Variants in HADHB observed in about 807,000 individuals in gnomAD.
The protein encoded by HADHB is hydroxyacyl-CoA dehydrogenase trifunctional multienzyme complex subunit beta.
A neutral mutation model predicts 61.9 loss-of-function variants in HADHB; 50 were observed. The observed-to-expected ratio is 0.81, with a 90% confidence interval of 0.64 to 1.02. The LOEUF (loss-of-function observed/expected upper bound fraction) is 1.02, where lower values mean the gene tolerates loss of function less well. Ranked by LOEUF, HADHB falls within the 50% of genes least tolerant of loss-of-function variation. The pLI, the probability that HADHB is intolerant of heterozygous loss-of-function variation, is 0.00. For synonymous variants in HADHB, 191 were observed against 201.6 expected, an observed-to-expected ratio of 0.95 and a Z score of 0.45; for missense variants, 504 against 586.5, an observed-to-expected ratio of 0.86 and a Z score of 1.45.
intron 3 of HADHB, among the ~76,000 whole-genome samples, chr2:26,259,238 G>T (rs1671764170): frequency 6.6e-6 from 1 of 152,202 alleles, no homozygotes; most frequent in Non-Finnish European, 1.5e-5. Context: ...ACTGACAGAT[G>T]AAATGAGTAC....
chr2:26,273,149 T>C (rs1389444396), intron 5 of HADHB, among the ~76,000 whole-genome samples: 19 of 152,140 alleles, frequency 1.2e-4, no homozygotes, highest in Admixed American at 1.2e-3. Flanking sequence ...TGGAGTGTTA[T>C]TGTGTCTAGT....
At chr2:26,262,892 A>C (rs930084928) in intron 3 of HADHB, among the ~76,000 whole-genome samples, 5 of 152,252 alleles carry the variant, frequency 3.3e-5, no homozygotes, top group African/African-American at 1.2e-4. Context: ...AGAAACTTAC[A>C]AATGCTAGTC....
intron 3 of HADHB, among the ~76,000 whole-genome samples, chr2:26,259,393 G>A (rs1373245951): frequency 2.0e-5 from 3 of 152,160 alleles, no homozygotes; most frequent in African/African-American, 7.2e-5. Flanking sequence ...ACAATCTGTG[G>A]GTAATTAACG....
rs72849973 is a variant in HADHB at position 26,259,826 on chromosome 2, C to T, written c.110-3554C>T. On this transcript the variant is annotated intron_variant, in intron 3 of 15. Coordinates refer to ENST00000317799, the MANE Select transcript of HADHB (RefSeq NM_000183.3). ...GCTTTACTAGGAGGTAGAATGTGAACGAGGCCCAAGAGACAGGTAAGAATT... is the reference window on the plus strand; with the variant it reads ...GCTTTACTAGGAGGTAGAATGTGAATGAGGCCCAAGAGACAGGTAAGAATT... Among the ~76,000 whole-genome samples the T allele has an allele frequency of 6.3e-3, 959 of 152,062 alleles. 8 individuals carry two copies. Among genetic ancestry groups the T allele is most frequent in the African/African-American group, 0.022 (892 of 41,460 alleles).
At chr2:26,255,954 T>C (rs1671592055) in intron 3 of HADHB, among the ~76,000 whole-genome samples, 1 of 152,246 alleles carries the variant, frequency 6.6e-6, no homozygotes, top group African/African-American at 2.4e-5. Context: ...ATAGACCTGA[T>C]CCTTGCCAAG....
chr2:26,285,759 A>ATTTTT (rs1673009834), intron 15 of HADHB, among the ~76,000 whole-genome samples, 188 bp downstream of exon 15: 2 of 6,988 alleles, frequency 2.9e-4, no homozygotes, highest in East Asian at 7.3e-4. Flanking sequence ...TTTTTTTTTG[A>ATTTTT]GACAGTCTTG....
intron 6 of HADHB, among the ~76,000 whole-genome samples, chr2:26,276,111 CA>C (rs1185388828): frequency 6.6e-6 from 1 of 152,046 alleles, no homozygotes; most frequent in African/African-American, 2.4e-5. Flanking sequence ...TTTACATAAA[CA>C]AAAATGGAAT....
At chr2:26,258,888 T>A (rs974902175) in intron 3 of HADHB, among the ~76,000 whole-genome samples, 8 of 152,186 alleles carry the variant, frequency 5.3e-5, no homozygotes, top group African/African-American at 1.7e-4. Flanking sequence ...ACCACCTGAT[T>A]GGTCGAGTGT....
rs187075040 is a variant in HADHB at position 26,280,235 on chromosome 2, A to G, written c.933+120A>G. ...TAGAGGGTTAAAAATATAGTTATTC[A>G]TTTTAATGTGAAAGTGGAGTCATTA... On this transcript the variant is annotated intron_variant, in intron 10 of 15. Coordinates refer to ENST00000317799, the MANE Select transcript of HADHB (RefSeq NM_000183.3). 4.7e-6 allele frequency: 4 copies of G among 848,710 alleles called. No individual in the cohort carries two copies. The African/African-American group carries it at 5.1e-5, about 11-fold the overall frequency. The allele number at this position is 848,710 out of a possible 1,614,324, so 52.6% of individuals were successfully genotyped here.
At chr2:26,289,872 AT>A in intron 15 of HADHB, 45 bp from the exon 16 acceptor site, 1 of 1,334,592 alleles carries the variant, frequency 7.5e-7, no homozygotes, top group Non-Finnish European at 1.1e-6. Context: ...TACTAGGTGG[AT>A]TCATCACCAT....
At chr2:26,270,809 G>A (rs1292666643) in intron 5 of HADHB, among the ~76,000 whole-genome samples, 1 of 150,338 alleles carries the variant, frequency 6.7e-6, no homozygotes, top group Non-Finnish European at 1.5e-5. Context: ...CCTCTCTTCT[G>A]TTGACTTCTT....
chr2:26,272,896 T>G (rs1672402662), intron 5 of HADHB, among the ~76,000 whole-genome samples: 1 of 151,916 alleles, frequency 6.6e-6, no homozygotes, highest in African/African-American at 2.4e-5. Context: ...CCAGCCTGGC[T>G]AACATGGTGA....
At position 26,290,432 on chromosome 2, in the gene HADHB, G is replaced by T; in HGVS notation, c.*479G>T. The T allele has an allele frequency of 5.5e-6, 1 of 182,328 alleles. No homozygotes were observed. The highest frequency in any genetic ancestry group is 1.4e-4 in the East Asian group (1 of 7,062). 11.3% of individuals were successfully genotyped at this position (182,328 alleles called of 1,614,324 possible). Reference sequence around the variant, plus strand: ...AAAAATGTTTAGATACATAAATATGGTGGTCAGCGTTAATAAAGTGGAGAA... The same window carrying T: ...AAAAATGTTTAGATACATAAATATGTTGGTCAGCGTTAATAAAGTGGAGAA... On this transcript the variant is annotated 3_prime_UTR_variant, in exon 16 of 16. Coordinates refer to ENST00000317799, the MANE Select transcript of HADHB (RefSeq NM_000183.3).
chr2:26,268,491 A>G (rs1672193492), intron 4 of HADHB, among the ~76,000 whole-genome samples: 1 of 152,222 alleles, frequency 6.6e-6, no homozygotes. Flanking sequence ...CCAAATCATC[A>G]CTTTAACATC....
chr2:26,285,392 C>CT lies in HADHB; in HGVS notation c.1225-12dup. ...AGTAAACTTATCTTTACATTTGTGT[C>CT]TTTGGGGGAGCCAGGTTGGATTGCC... On this transcript the variant is annotated splice_polypyrimidine_tract_variant and intron_variant, in intron 14 of 15. Coordinates refer to ENST00000317799, the MANE Select transcript of HADHB (RefSeq NM_000183.3). 1 of 1,611,096 alleles carries CT rather than the reference C, an allele frequency of 6.2e-7. No homozygotes were observed. The highest frequency in any genetic ancestry group is 8.5e-7 in the Non-Finnish European group (1 of 1,177,474).
At chr2:26,286,676 T>C (rs751503268) in intron 15 of HADHB, among the ~76,000 whole-genome samples, 4 of 151,740 alleles carry the variant, frequency 2.6e-5, no homozygotes, top group Non-Finnish European at 5.9e-5. Context: ...GCAATTTTTT[T>C]TGTATTTTTA....
chr2:26,251,272 C>T (rs1187874509), intron 1 of HADHB, among the ~76,000 whole-genome samples: 3 of 151,926 alleles, frequency 2.0e-5, no homozygotes, highest in African/African-American at 7.3e-5. Flanking sequence ...ACTGCAGCCT[C>T]GAACTCCTGG....
chr2:26,275,635 G>A (rs188412258), intron 6 of HADHB, among the ~76,000 whole-genome samples: 158 of 152,236 alleles, frequency 1.0e-3, no homozygotes, highest in East Asian at 1.7e-3. Flanking sequence ...AGATACTTGC[G>A]TCTCTCTTCC....
intron 3 of HADHB, chr2:26,254,923 T>A (rs182199577): frequency 5.6e-6 from 1 of 179,602 alleles, no homozygotes; most frequent in Admixed American, 5.4e-5. Flanking sequence ...TAGAAGTGAT[T>A]AGGAACTAGT....
Sources: gnomAD v4.1 joint callset for allele counts (sites outside exome capture counted in the v4.1 genomes callset) on GRCh38, gnomAD v4.1.1 for gene constraint, MANE v1.5 for transcripts, NCBI Gene and HGNC (gene_info 2026-07-23, HGNC 2026-07-21) for gene names.